The following CERT1 variants were observed in gnomAD, a reference collection of about 807,000 sequenced individuals.
CERT1 encodes ceramide transporter 1.
CERT1 carries 31 observed loss-of-function variants against 87.9 expected under a neutral mutation model. The ratio of observed to expected loss-of-function variants is 0.35; its 90% CI spans 0.27 to 0.48. CERT1 has a LOEUF of 0.48. CERT1 is among the 20% of genes least tolerant of loss of function. CERT1 has a pLI of 0.99. For missense variants in CERT1, 487 were observed against 758.0 expected, an observed-to-expected ratio of 0.64 and a Z score of 4.20; for synonymous variants, 289 against 250.9, an observed-to-expected ratio of 1.15 and a Z score of -1.44.
chr5:75,370,009 C>A (rs988900628), intron 17 of CERT1: 1 of 152,202 alleles, frequency 6.6e-6, no homozygotes, highest in African/African-American at 2.4e-5. Context: ...TCATTTGAAA[C>A]TGCTAGTTAG....
chr5:75,463,134 T>C (rs981048328), intron 2 of CERT1, among the ~76,000 whole-genome samples: 7 of 151,246 alleles, frequency 4.6e-5, no homozygotes, highest in African/African-American at 1.7e-4. Context: ...AAATATAACA[T>C]ACATAACAGA....
At chr5:75,422,233 A>T (rs1363534318) in intron 5 of CERT1, among the ~76,000 whole-genome samples, 2 of 151,980 alleles carry the variant, frequency 1.3e-5, no homozygotes, top group Non-Finnish European at 2.9e-5. Context: ...TATTTTTGCC[A>T]CCCAAATATT....
chr5:75,400,404 T>C (rs892716975), intron 9 of CERT1, 107 bp from the exon 10 acceptor site: 1 of 714,206 alleles, frequency 1.4e-6, no homozygotes, highest in Non-Finnish European at 2.4e-6. Context: ...GTGAACGCCT[T>C]AGTGCTTATA....
At chr5:75,409,727 C>T (rs1290823709) in intron 8 of CERT1, among the ~76,000 whole-genome samples, 1 of 151,928 alleles carries the variant, frequency 6.6e-6, no homozygotes, top group Non-Finnish European at 1.5e-5. Context: ...CGGGGTTTCA[C>T]CATATTGGCC....
At chr5:75,411,242 A>G in intron 7 of CERT1, 139 bp from the exon 8 acceptor site, 3 of 588,596 alleles carry the variant, frequency 5.1e-6, no homozygotes, top group Non-Finnish European at 8.9e-6. Flanking sequence ...GAAAAATAAG[A>G]GTATTATTCT....
downstream of CERT1, chr5:75,374,878 A>G (rs1761233253): frequency 4.9e-6 from 2 of 410,328 alleles, no homozygotes; most frequent in South Asian, 1.9e-5. Context: ...ATTGTACTTA[A>G]TATTGCATGC....
At chr5:75,511,027 C>T (rs1174431823) in intron 1 of CERT1, 85 bp downstream of exon 1, 1 of 1,438,214 alleles carries the variant, frequency 7.0e-7, no homozygotes, top group Non-Finnish European at 9.1e-7. Context: ...CCGCGCCTCC[C>T]GCCAGCCCCA....
At chr5:75,465,132 T>A (rs1221545476) in intron 2 of CERT1, among the ~76,000 whole-genome samples, 3 of 152,164 alleles carry the variant, frequency 2.0e-5, no homozygotes, top group Non-Finnish European at 4.4e-5. Context: ...CTGAGATCCC[T>A]TCCTCTAGCT....
chr5:75,480,605 A>T (rs575919834), intron 2 of CERT1, among the ~76,000 whole-genome samples: 1 of 152,330 alleles, frequency 6.6e-6, no homozygotes, highest in Admixed American at 6.5e-5. Flanking sequence ...CCTGGTCTCC[A>T]GACTTTTTTA....
intron 8 of CERT1, among the ~76,000 whole-genome samples, chr5:75,404,440 C>T (rs1762626897): frequency 6.6e-6 from 1 of 152,090 alleles, no homozygotes; most frequent in African/African-American, 2.4e-5. Context: ...TAACAACACC[C>T]TAGAGGCCTT....
In CERT1 at chr5:75,409,063, T is replaced by C. The variant is rs995204340; in HGVS notation, c.930+1948A>G. ...AAAACATGGGCTTTATTGGCTTATT[T>C]GAATTTTTGTACAATCTTCCTATAA... On this transcript the variant is annotated intron_variant, in intron 8 of 16. Transcript: ENST00000643780. Among the ~76,000 whole-genome samples, 24 of 152,250 alleles carry C rather than the reference T, an allele frequency of 1.6e-4. 1 individual carries two copies. The East Asian group carries it at 1.9e-3, about 12-fold the overall frequency.
intron 8 of CERT1, among the ~76,000 whole-genome samples, chr5:75,407,664 A>G (rs1762760901): frequency 6.6e-6 from 1 of 152,108 alleles, no homozygotes; most frequent in South Asian, 2.1e-4. Context: ...ATGGAGCTGG[A>G]GGCCATTATC....
At position 75,379,189 on chromosome 5, in the gene CERT1, A is replaced by G; in HGVS notation, c.*157T>C. On this transcript the variant is annotated 3_prime_UTR_variant, in exon 17 of 17. Transcript: ENST00000643780. ...AGAGCAAGACCCTGTTTAAAACAAC[A>G]ACAACGACAACAACAAAAACCAACG... 1.5e-6 allele frequency: 1 copy of G among 678,964 alleles called. No individual in the cohort carries two copies. The highest frequency in any genetic ancestry group is 2.5e-6 in the Non-Finnish European group (1 of 407,806). 42.1% of individuals were successfully genotyped at this position (678,964 alleles called of 1,614,324 possible).
intron 2 of CERT1, among the ~76,000 whole-genome samples, chr5:75,462,990 C>CAAAAAAA (rs1174306526): frequency 5.1e-5 from 2 of 38,900 alleles, no homozygotes; most frequent in African/African-American, 1.7e-4. Flanking sequence ...GACTCCGTCT[C>CAAAAAAA]AAAAAAAAAA....
intron 11 of CERT1, among the ~76,000 whole-genome samples, chr5:75,391,053 T>C (rs1580705218): frequency 6.6e-6 from 1 of 151,768 alleles, no homozygotes; most frequent in Admixed American, 6.6e-5. Context: ...GCCACTACAA[T>C]TTCCTGGGCT....
chr5:75,415,035 TACACACACAC>T (rs150043321), intron 7 of CERT1, among the ~76,000 whole-genome samples: 1 of 149,286 alleles, frequency 6.7e-6, no homozygotes, highest in Non-Finnish European at 1.5e-5. Context: ...TGTGTATATA[TACACACACAC>T]ACACACACAC....
intron 8 of CERT1, among the ~76,000 whole-genome samples, chr5:75,406,407 C>T (rs114759961): frequency 6.6e-6 from 1 of 152,216 alleles, no homozygotes; most frequent in Non-Finnish European, 1.5e-5. Context: ...TGTTTCATGA[C>T]ATACATTATG....
chr5:75,464,509 C>G (rs992247210), intron 2 of CERT1, among the ~76,000 whole-genome samples: 4 of 152,190 alleles, frequency 2.6e-5, no homozygotes. Context: ...CTTTCCCCTT[C>G]TTGGCACCCA....
chr5:75,500,752 G>T (rs1767322694), intron 2 of CERT1, among the ~76,000 whole-genome samples: 1 of 152,046 alleles, frequency 6.6e-6, no homozygotes, highest in Non-Finnish European at 1.5e-5. Flanking sequence ...CTTCTTCTTG[G>T]ATTTCTCGCT....
Sources: gnomAD v4.1 joint callset for allele counts (sites outside exome capture counted in the v4.1 genomes callset) on GRCh38, gnomAD v4.1.1 for gene constraint, MANE v1.5 for transcripts, NCBI Gene and HGNC (gene_info 2026-07-23, HGNC 2026-07-21) for gene names.